The following SUN1 variants were observed in gnomAD, a reference collection of about 807,000 sequenced individuals.
The protein encoded by SUN1 is Sad1 and UNC84 domain containing 1.
Under a neutral mutation model 103.2 loss-of-function variants are expected in SUN1, and 61 were observed. The ratio of observed to expected loss-of-function variants is 0.59; its 90% CI spans 0.48 to 0.73. The LOEUF is 0.73. SUN1 is among the 30% of genes least tolerant of loss of function. SUN1 has a pLI of 0.00. For missense variants in SUN1, 1,052 were observed against 1,034.6 expected (o/e 1.02, Z -0.23); for synonymous variants, 490 against 425.7 (o/e 1.15, Z -1.86).
chr7:820,678 G>A (rs1214383142), intron 1 of SUN1, among the ~76,000 whole-genome samples: 2 of 152,150 alleles, frequency 1.3e-5, no homozygotes, highest in Non-Finnish European at 1.5e-5. Flanking sequence ...CATTCACTGA[G>A]TTTTTCATAG....
chr7:848,143 A>C (rs369296342), intron 5 of SUN1, among the ~76,000 whole-genome samples: 2 of 52,936 alleles, frequency 3.8e-5, no homozygotes, highest in Admixed American at 2.1e-4. Flanking sequence ...TCCGCAGTCC[A>C]GTCTCCAGGA....
intron 9 of SUN1, 144 bp downstream of exon 9, chr7:853,096 C>T: frequency 9.0e-7 from 1 of 1,115,924 alleles, no homozygotes; most frequent in Non-Finnish European, 1.2e-6. Context: ...GTCTTTGGAG[C>T]TCCTTAAGTG....
chr7:870,205 T>TAA (rs34486427), intron 17 of SUN1, among the ~76,000 whole-genome samples: 2,823 of 137,168 alleles, frequency 0.021, 105 homozygotes, highest in African/African-American at 0.067. Flanking sequence ...ACCCTGTCTT[T>TAA]AAAAAAAAAA....
At chr7:825,058 G>A (rs944650662) in intron 1 of SUN1, among the ~76,000 whole-genome samples, 4 of 151,914 alleles carry the variant, frequency 2.6e-5, no homozygotes, top group South Asian at 2.1e-4. Flanking sequence ...TATTTATTAC[G>A]ATAATTTTTT....
chr7:835,761 A>G (rs1802450996), intron 1 of SUN1, among the ~76,000 whole-genome samples: 1 of 152,148 alleles, frequency 6.6e-6, no homozygotes, highest in Non-Finnish European at 1.5e-5. Context: ...CCGCAGTAAA[A>G]TCCAGCCATT....
upstream of SUN1, chr7:831,105 A>G: frequency 1.5e-6 from 1 of 685,218 alleles, no homozygotes; most frequent in Non-Finnish European, 1.8e-6. Context: ...TTAAACAGGT[A>G]TTAACTATTA....
At chr7:835,310 C>G (rs758992508) in intron 1 of SUN1, among the ~76,000 whole-genome samples, 4 of 152,182 alleles carry the variant, frequency 2.6e-5, no homozygotes, top group Non-Finnish European at 5.9e-5. Context: ...AGGGTGGGCC[C>G]GAACACTTAC....
chr7:845,141 G>A (rs370095167), intron 5 of SUN1, among the ~76,000 whole-genome samples: 1 of 152,148 alleles, frequency 6.6e-6, no homozygotes, highest in Non-Finnish European at 1.5e-5. Flanking sequence ...GTCTCCCTAC[G>A]CGTGTTGTAG....
At chr7:815,614 TTGTA>T (rs1250790750), upstream of SUN1, among the ~76,000 whole-genome samples, 18 of 151,594 alleles carry the variant, frequency 1.2e-4, no homozygotes, top group Admixed American at 1.2e-3. Flanking sequence ...GTGAACATGA[TTGTA>T]TGTAAATTAC....
At chr7:817,597 T>G in intron 1 of SUN1, 2 of 1,412,244 alleles carry the variant, frequency 1.4e-6, no homozygotes, top group South Asian at 1.3e-5. Context: ...TAATTGTGTC[T>G]TCTAAGCTTC....
chr7:848,471 TC>T, intron 5 of SUN1: 2 of 1,364,606 alleles, frequency 1.5e-6, no homozygotes, highest in Non-Finnish European at 2.0e-6. Flanking sequence ...ATACACTGCA[TC>T]ATCTTTTTCA....
intron 18 of SUN1, among the ~76,000 whole-genome samples, chr7:872,871 G>A (rs925814444): frequency 6.6e-5 from 10 of 151,958 alleles, no homozygotes; most frequent in African/African-American, 2.4e-4. Context: ...GGCGGATCAC[G>A]AGGTCAGGAG....
intron 5 of SUN1, among the ~76,000 whole-genome samples, chr7:847,173 G>A (rs1460992625): frequency 1.3e-5 from 2 of 152,162 alleles, no homozygotes; most frequent in Non-Finnish European, 2.9e-5. Context: ...GCCACGGCTC[G>A]GGTACTCTGT....
intron 5 of SUN1, among the ~76,000 whole-genome samples, chr7:844,301 G>A (rs1236735953): frequency 1.3e-5 from 2 of 152,206 alleles, no homozygotes; most frequent in African/African-American, 4.8e-5. Flanking sequence ...GTGCTGCCTG[G>A]TTCTCAAGCC....
At chr7:869,606 C>G (rs1011623033) in intron 17 of SUN1, 90 bp downstream of exon 17, 20 of 1,422,858 alleles carry the variant, frequency 1.4e-5, no homozygotes, top group South Asian at 2.6e-5. Context: ...CTGGGGACGG[C>G]TGCCTCCCGC....
chr7:819,422 A>G (rs1783961323), intron 1 of SUN1, among the ~76,000 whole-genome samples: 1 of 152,134 alleles, frequency 6.6e-6, no homozygotes, highest in South Asian at 2.1e-4. Flanking sequence ...TGCAAAATCC[A>G]AGGTCAGGAG....
chr7:832,235 G>A (rs1798635826), upstream of SUN1: 1 of 607,486 alleles, frequency 1.6e-6, no homozygotes, highest in Admixed American at 4.0e-5. Context: ...GGTGCCCCTG[G>A]TTTCACGAGT....
At chr7:836,053 GGCAAGGA>G (rs1802766419) in intron 1 of SUN1, among the ~76,000 whole-genome samples, 1 of 152,256 alleles carries the variant, frequency 6.6e-6, no homozygotes. Context: ...GCCTCCACGG[GGCAAGGA>G]GCGAGCCGAA....
At chr7:867,693 C>CTT (rs1317142134) in intron 16 of SUN1, among the ~76,000 whole-genome samples, 4 of 152,182 alleles carry the variant, frequency 2.6e-5, no homozygotes, top group African/African-American at 9.7e-5. Flanking sequence ...ACTGTCGGCT[C>CTT]CTGGGAAGTA....
Sources: allele counts gnomAD v4.1 joint callset (sites outside exome capture counted in the v4.1 genomes callset), GRCh38; gene constraint gnomAD v4.1.1; transcripts MANE v1.5; gene names NCBI Gene and HGNC (gene_info 2026-07-23, HGNC 2026-07-21).